TSEN54: variants seen among roughly 807,000 people sequenced by gnomAD.
The protein encoded by TSEN54 is tRNA-splicing endonuclease subunit Sen54.
A neutral mutation model predicts 61.9 loss-of-function variants in TSEN54; 55 were observed. The ratio of observed to expected loss-of-function variants is 0.89; its 90% CI spans 0.72 to 1.11. The LOEUF (loss-of-function observed/expected upper bound fraction) is 1.11. Among genes scored for constraint, TSEN54 ranks in the 50% most tolerant of loss-of-function variants. The pLI is 0.00. For synonymous variants in TSEN54, 304 were observed against 288.7 expected, an observed-to-expected ratio of 1.05 and a Z score of -0.54; for missense variants, 760 against 687.7, an observed-to-expected ratio of 1.11 and a Z score of -1.18.
Position 75,524,654 on chromosome 17 carries a change from G to C in TSEN54, c.*242G>C, listed in dbSNP as rs906068277. 3 of 624,996 alleles carry C rather than the reference G, an allele frequency of 4.8e-6. No individual in the cohort carries two copies. The highest frequency in any genetic ancestry group is 1.8e-5 in the African/African-American group (1 of 55,098). The allele number at this position is 624,996 out of a possible 1,614,324, so 38.7% of individuals were successfully genotyped here. On this transcript the variant is annotated 3_prime_UTR_variant, in exon 11 of 11. Coordinates refer to ENST00000333213, the MANE Select transcript of TSEN54 (RefSeq NM_207346.3). Reference sequence around the variant, plus strand: ...TTTTAAGGACCCAGGAGGTGGGGCAGAAGAGAGGACTGTGTGCCTTTAACG... The same window carrying C: ...TTTTAAGGACCCAGGAGGTGGGGCACAAGAGAGGACTGTGTGCCTTTAACG...
At chr17:75,517,490 A>G in intron 4 of TSEN54, 67 bp from the exon 5 acceptor site, 1 of 1,416,586 alleles carries the variant, frequency 7.1e-7, no homozygotes, top group Admixed American at 1.7e-5. Flanking sequence ...AGAGCTGGGA[A>G]GTTGCCCCAT....
chr17:75,517,375 T>A, intron 4 of TSEN54, 131 bp downstream of exon 4: 1 of 1,247,884 alleles, frequency 8.0e-7, no homozygotes, highest in Non-Finnish European at 1.2e-6. Context: ...CAGGAGGTGG[T>A]ACGTTGCAGG....
rs1454250392 is a variant in TSEN54 at position 75,521,909 on chromosome 17, G to A, written c.828G>A (p.Gly276=). The A allele has an allele frequency of 2.5e-6, 4 of 1,609,922 alleles. No individual in the cohort carries two copies. The highest frequency in any genetic ancestry group is 1.3e-5 in the African/African-American group (1 of 74,830). The change falls in exon 8 of 11, where the codon GGG becomes GGA. Residue 276 remains glycine (G), a synonymous_variant. Coordinates refer to ENST00000333213, the MANE Select transcript of TSEN54 (RefSeq NM_207346.3). ...CTGGCCCGGCCAGGGAGGGGGTGGG[G>A]TGCAGCTGGGAGAGTGGCAGAGCCG... The part of the protein sequence containing the change: ...PSPGPAREGV[G]CSWESGRAEN...
intron 10 of TSEN54, 39 bp downstream of exon 10, chr17:75,523,818 G>A: frequency 6.2e-7 from 1 of 1,604,516 alleles, no homozygotes; most frequent in Non-Finnish European, 8.5e-7. Context: ...CCCAGCTGCT[G>A]CCAGTTCTCC....
chr17:75,522,565 C>T, intron 8 of TSEN54: 3 of 1,417,538 alleles, frequency 2.1e-6, no homozygotes, highest in South Asian at 1.5e-5. Context: ...ATGACCATAT[C>T]CTTAAAAAGA....
At chr17:75,516,682 G>C (rs570438506) in intron 1 of TSEN54, 64 bp from the exon 2 acceptor site, 2 of 1,290,924 alleles carry the variant, frequency 1.5e-6, no homozygotes, top group African/African-American at 3.1e-5. Flanking sequence ...GGAAACCGGC[G>C]CCCGGGACCC....
Position 75,523,222 on chromosome 17 carries a change from G to C in TSEN54, c.1253-53G>C, listed in dbSNP as rs898664073. On this transcript the variant is annotated intron_variant, in intron 8 of 10. Coordinates refer to ENST00000333213, the MANE Select transcript of TSEN54 (RefSeq NM_207346.3). ...TCTGGCCGTCCTAAACTAGATGGCA[G>C]ACTGAGAAATGTGACTCCCCTCCCC... 3.1e-6 allele frequency: 5 copies of C among 1,612,924 alleles called. No homozygotes were observed. In the African/African-American group the frequency reaches 6.7e-5, roughly 22 times the overall value.
In TSEN54 at chr17:75,517,075, G is replaced by A. The variant is rs8074291; in HGVS notation, c.285+3G>A. 0.14 allele frequency: 221,615 copies of A among 1,592,506 alleles called. 17,672 individuals are homozygous for A. Among genetic ancestry groups the A allele is most frequent in the African/African-American group, 0.34 (25,568 of 74,610 alleles). On this transcript the variant is annotated splice_donor_region_variant and intron_variant, in intron 3 of 10. Transcript: ENST00000333213. ...TCGTGGAGTTGAAGTCTCCCGCGGT[G>A]AGCGGCGGGCTCGGGGACCGGGGAC...
At chr17:75,522,802 G>C (rs2053442497) in intron 8 of TSEN54, 1 of 269,406 alleles carries the variant, frequency 3.7e-6, no homozygotes, top group Non-Finnish European at 7.1e-6. Context: ...AGGGTTGCCA[G>C]ATCAGTTTGA....
chr17:75,518,536 C>T, intron 5 of TSEN54: 2 of 985,396 alleles, frequency 2.0e-6, no homozygotes, highest in Non-Finnish European at 2.4e-6. Flanking sequence ...ATCTATGTTC[C>T]TCTGATATGA....
At chr17:75,522,874 TAAAA>T (rs58545411) in intron 8 of TSEN54, 10,039 of 262,818 alleles carry the variant, frequency 0.038, 869 homozygotes, top group African/African-American at 0.21. Flanking sequence ...ATGCTTATAC[TAAAA>T]AAAAAAAAAA....
Position 75,523,292 on chromosome 17 carries a change from A to C in TSEN54, c.1270A>C (p.Ile424Leu), listed in dbSNP as rs750712674. 1.9e-6 allele frequency: 3 copies of C among 1,614,132 alleles called. No individual in the cohort carries two copies. Among genetic ancestry groups the C allele is most frequent in the South Asian group, 1.1e-5 (1 of 91,082 alleles). Reference sequence around the variant, plus strand: ...CCTTGTAGCCGTGGTCCTTCAGCATATCTCTGTGCTGCAGACAACACACCT... The same window carrying C: ...CCTTGTAGCCGTGGTCCTTCAGCATCTCTCTGTGCTGCAGACAACACACCT... ...ASSPAVVLQH[I>L]SVLQTTHLPD... The change falls in exon 9 of 11, where the codon ATC (isoleucine) becomes CTC (leucine). Residue 424 changes from isoleucine to leucine, a missense_variant. Coordinates refer to ENST00000333213, the MANE Select transcript of TSEN54 (RefSeq NM_207346.3).
chr17:75,523,500 A>G (rs1368548819), intron 9 of TSEN54, 163 bp from the exon 10 acceptor site: 1 of 1,597,932 alleles, frequency 6.3e-7, no homozygotes, highest in African/African-American at 1.3e-5. Context: ...TCTAGGGAAG[A>G]GGGAGAATAA....
chr17:75,523,627 G>A, intron 9 of TSEN54, 36 bp from the exon 10 acceptor site: 2 of 1,614,158 alleles, frequency 1.2e-6, no homozygotes, highest in East Asian at 2.2e-5. Context: ...TTGGGGAGAA[G>A]AGTTCATGTC....
chr17:75,521,759 GGCAGCCTCCAGCCCACCTCCCT>G lies in TSEN54; in HGVS notation c.685_706del (p.Ser230ProfsTer15), dbSNP rs1202183663. 2 of 1,612,930 alleles carry G rather than the reference GGCAGCCTCCAGCCCACCTCCCT, an allele frequency of 1.2e-6. No individual in the cohort carries two copies. Among genetic ancestry groups the G allele is most frequent in the African/African-American group, 2.7e-5 (2 of 75,012 alleles). On this transcript the variant is annotated frameshift_variant, in exon 8 of 11. Transcript: ENST00000333213. LOFTEE classifies it high-confidence loss of function. ...ACAACTCCCTGCAACCCAAGAGTCT[GGCAGCCTCCAGCCCACCTCCCT>G]GCAGCCAGCCCAGCCAATGCCCAGA...
At chr17:75,516,657 G>A (rs1237035759) in intron 1 of TSEN54, 41 bp downstream of exon 1, 157 of 1,261,756 alleles carry the variant, frequency 1.2e-4, no homozygotes, top group Admixed American at 2.2e-4. Flanking sequence ...GGGGGCGCGG[G>A]GCCAGCGCGG....
intron 7 of TSEN54, 72 bp from the exon 8 acceptor site, chr17:75,521,633 T>C (rs2053427897): frequency 1.9e-6 from 3 of 1,570,548 alleles, no homozygotes; most frequent in Non-Finnish European, 2.6e-6. Flanking sequence ...GGGACCTGCC[T>C]TCAGCTCCCA....
chr17:75,516,542 A>T lies in TSEN54; in HGVS notation c.-19A>T. 9.0e-7 allele frequency: 1 copy of T among 1,114,726 alleles called. No individual in the cohort carries two copies. The allele number at this position is 1,114,726 out of a possible 1,614,324, so 69.1% of individuals were successfully genotyped here. A position where few individuals can be genotyped will look rare whatever the true frequency, so the allele number is the denominator to read the frequency against. Reference sequence around the variant, plus strand: ...GTGGGCGGGGCGTGGCGGCGCGCGCAGCGGCAGGCGGCGGCGGGATGGAGC... The same window carrying T: ...GTGGGCGGGGCGTGGCGGCGCGCGCTGCGGCAGGCGGCGGCGGGATGGAGC... On this transcript the variant is annotated 5_prime_UTR_variant, in exon 1 of 11. Transcript: ENST00000333213.
rs1055827302 is a variant in TSEN54 at position 75,517,441 on chromosome 17, A to G, written c.370-116A>G. ...CTGCCCCACTTTCCTGGTTGGCCACATTCTTGATGCGCTGCTGAGAGGGGG... is the reference window on the plus strand; with the variant it reads ...CTGCCCCACTTTCCTGGTTGGCCACGTTCTTGATGCGCTGCTGAGAGGGGG... On this transcript the variant is annotated intron_variant, in intron 4 of 10. Transcript: ENST00000333213. 20 of 1,207,924 alleles carry G rather than the reference A, an allele frequency of 1.7e-5. No individual in the cohort carries two copies. The African/African-American group carries it at 2.7e-4, about 16-fold the overall frequency. The allele number at this position is 1,207,924 out of a possible 1,614,324, so 74.8% of individuals were successfully genotyped here.
Sources: gnomAD v4.1 joint callset for allele counts on GRCh38, gnomAD v4.1.1 for gene constraint, MANE v1.5 for transcripts, NCBI Gene and HGNC (gene_info 2026-07-23, HGNC 2026-07-21) for gene names.